The following MMP16 variants were observed in gnomAD, a reference collection of about 807,000 sequenced individuals.
MMP16 encodes the protein matrix metallopeptidase 16.
A neutral mutation model predicts 67.8 loss-of-function variants in MMP16; 12 were observed. The ratio of observed to expected loss-of-function variants is 0.18; its 90% CI spans 0.11 to 0.29. The LOEUF (loss-of-function observed/expected upper bound fraction) is 0.29, where lower values mean the gene tolerates loss of function less well. MMP16 is among the 10% of genes least tolerant of loss of function. MMP16 has a pLI of 1.00. For synonymous variants in MMP16, 249 were observed against 255.9 expected (o/e 0.97, Z 0.26); for missense variants, 475 against 765.7 (o/e 0.62, Z 4.48).
chr8:88,042,638 TC>T (rs1808148015), intron 9 of MMP16, among the ~76,000 whole-genome samples: 1 of 152,210 alleles, frequency 6.6e-6, no homozygotes, highest in Non-Finnish European at 1.5e-5. Context: ...TTTTAATACT[TC>T]CTAGTACCTT....
At chr8:88,102,860 C>T (rs1390566938) in intron 6 of MMP16, among the ~76,000 whole-genome samples, 1 of 151,966 alleles carries the variant, frequency 6.6e-6, no homozygotes, top group East Asian at 2.0e-4. Context: ...TTCACTCTTG[C>T]CTTTTGGGAA....
intron 6 of MMP16, among the ~76,000 whole-genome samples, chr8:88,081,762 T>A (rs1028331969): frequency 7.2e-5 from 11 of 152,276 alleles, no homozygotes; most frequent in African/African-American, 1.9e-4. Context: ...CAGTTTTTTT[T>A]ATAAACAGCT....
At chr8:88,184,563 G>GAAAAAAAAAAAAAAAAAA (rs59310737) in intron 3 of MMP16, among the ~76,000 whole-genome samples, 1 of 10,936 alleles carries the variant, frequency 9.1e-5, no homozygotes, top group African/African-American at 5.3e-4. Flanking sequence ...CTCTCTCTCT[G>GAAAAAAAAAAAAAAAAAA]AAAAAAAAAA....
intron 2 of MMP16, among the ~76,000 whole-genome samples, chr8:88,193,621 G>C (rs778733263): frequency 6.6e-6 from 1 of 152,034 alleles, no homozygotes; most frequent in Non-Finnish European, 1.5e-5. Flanking sequence ...AATGGCAAAT[G>C]CTTGAGGTGA....
chr8:88,179,834 G>T (rs1382567106), intron 3 of MMP16, among the ~76,000 whole-genome samples: 1 of 152,074 alleles, frequency 6.6e-6, no homozygotes, highest in Non-Finnish European at 1.5e-5. Context: ...CAATTGACAG[G>T]CTAAGAGAAA....
intron 6 of MMP16, among the ~76,000 whole-genome samples, chr8:88,091,774 G>A (rs928426794): frequency 6.6e-6 from 1 of 151,840 alleles, no homozygotes; most frequent in East Asian, 1.9e-4. Context: ...CACTAGCCAT[G>A]TGTAGCTACT....
intron 1 of MMP16, among the ~76,000 whole-genome samples, chr8:88,251,625 A>C (rs1810223670): frequency 7.4e-6 from 1 of 134,600 alleles, no homozygotes; most frequent in Non-Finnish European, 1.6e-5. Context: ...ATGGCAACAA[A>C]AGCCAAAATT....
At chr8:88,264,674 G>A (rs1245843787) in intron 1 of MMP16, among the ~76,000 whole-genome samples, 2 of 152,100 alleles carry the variant, frequency 1.3e-5, no homozygotes, top group Non-Finnish European at 2.9e-5. Context: ...TATGATTCAG[G>A]CCATGGCCAG....
At chr8:88,188,931 A>G (rs1186995157) in intron 2 of MMP16, among the ~76,000 whole-genome samples, 1 of 152,190 alleles carries the variant, frequency 6.6e-6, no homozygotes, top group Non-Finnish European at 1.5e-5. Context: ...CTGGGATTAC[A>G]GGCATGAGCC....
At chr8:88,160,879 G>A (rs1022332011) in intron 4 of MMP16, among the ~76,000 whole-genome samples, 14 of 152,256 alleles carry the variant, frequency 9.2e-5, no homozygotes, top group Admixed American at 3.9e-4. Flanking sequence ...AACCAGCCTC[G>A]CATCCCTGGG....
chr8:88,071,967 T>TAA (rs569233715), intron 7 of MMP16, among the ~76,000 whole-genome samples: 2 of 148,206 alleles, frequency 1.3e-5, no homozygotes, highest in Non-Finnish European at 3.0e-5. Context: ...CAGTGTAAAA[T>TAA]AAAAAAAAAA....
chr8:88,149,699 A>G (rs922017162), intron 4 of MMP16, among the ~76,000 whole-genome samples: 93 of 151,776 alleles, frequency 6.1e-4, no homozygotes, highest in Non-Finnish European at 1.1e-3. Context: ...TCCACACCAA[A>G]AACCCATCTG....
intron 1 of MMP16, among the ~76,000 whole-genome samples, chr8:88,323,559 T>C (rs1017196767): frequency 6.6e-6 from 1 of 152,178 alleles, no homozygotes; most frequent in Admixed American, 6.5e-5. Flanking sequence ...TTTTATGCTT[T>C]GATATATGCA....
At chr8:88,091,199 T>C (rs899802637) in intron 6 of MMP16, among the ~76,000 whole-genome samples, 2 of 151,906 alleles carry the variant, frequency 1.3e-5, no homozygotes, top group African/African-American at 4.8e-5. Context: ...GATCATCTCC[T>C]GTTTTGCAAT....
intron 6 of MMP16, among the ~76,000 whole-genome samples, chr8:88,105,433 G>T (rs140182421): frequency 6.6e-6 from 1 of 151,260 alleles, no homozygotes; most frequent in African/African-American, 2.4e-5. Flanking sequence ...CTTTAAAATT[G>T]GACTCATTTG....
intron 6 of MMP16, among the ~76,000 whole-genome samples, chr8:88,084,703 G>C (rs1212790191): frequency 6.6e-6 from 1 of 151,900 alleles, no homozygotes; most frequent in East Asian, 1.9e-4. Flanking sequence ...TATTAGGTGT[G>C]ACCATGTTTA....
intron 1 of MMP16, among the ~76,000 whole-genome samples, chr8:88,252,775 C>G (rs1810246570): frequency 6.6e-6 from 1 of 151,820 alleles, no homozygotes; most frequent in Admixed American, 6.6e-5. Context: ...AAAACTAAAT[C>G]AACTTAGAAT....
chr8:88,080,796 T>A (rs139152044), intron 6 of MMP16, among the ~76,000 whole-genome samples: 1 of 152,178 alleles, frequency 6.6e-6, no homozygotes, highest in East Asian at 1.9e-4. Context: ...AAACTGGTGT[T>A]GAAAATTAAG....
In MMP16 at chr8:88,234,661, T is replaced by G. The variant is rs183593996; in HGVS notation, c.133-37355A>C. ...AAACTCAGAGTTAGACTCTGACCTT[T>G]ACTTACACATGCAATTAGAGCTGGG... On this transcript the variant is annotated intron_variant, in intron 1 of 9. Coordinates refer to ENST00000286614, the MANE Select transcript of MMP16 (RefSeq NM_005941.5). Among the ~76,000 whole-genome samples the G allele has an allele frequency of 2.0e-5, 3 of 152,342 alleles. No homozygotes were observed. In the East Asian group the frequency reaches 5.8e-4, roughly 29 times the overall value.
Sources: gnomAD v4.1 joint callset for allele counts (sites outside exome capture counted in the v4.1 genomes callset) on GRCh38, gnomAD v4.1.1 for gene constraint, MANE v1.5 for transcripts, NCBI Gene and HGNC (gene_info 2026-07-23, HGNC 2026-07-21) for gene names.